Variants in TRIM13 observed in about 807,000 individuals in gnomAD.
TRIM13 encodes tripartite motif containing 13.
A neutral mutation model predicts 27.1 loss-of-function variants in TRIM13; 15 were observed. The observed-to-expected ratio is 0.55, with a 90% confidence interval of 0.37 to 0.85. The LOEUF is 0.85. Ranked by LOEUF, TRIM13 falls within the 40% of genes least tolerant of loss-of-function variation. The pLI is 0.00. For missense variants in TRIM13, 402 were observed against 472.2 expected, an observed-to-expected ratio of 0.85 and a Z score of 1.38; for synonymous variants, 193 against 171.5, an observed-to-expected ratio of 1.13 and a Z score of -0.98.
intron 1 of TRIM13, among the ~76,000 whole-genome samples, chr13:50,009,246 T>C (rs1814045449): frequency 6.6e-6 from 1 of 152,204 alleles, no homozygotes; most frequent in Admixed American, 6.5e-5. Flanking sequence ...GGCTATTTAA[T>C]AGAAGACAGC....
In TRIM13 at chr13:50,013,122, G is replaced by C; in HGVS notation, c.1182G>C (p.Leu394=). The part of the protein sequence containing the change: ...ERFKNFTLVV[L]NNVAEFVCKY... Reference sequence around the variant, plus strand: ...TCAAGAATTTTACTTTGGTGGTACTGAACAATGTGGCAGAATTTGTGTGCA... The same window carrying C: ...TCAAGAATTTTACTTTGGTGGTACTCAACAATGTGGCAGAATTTGTGTGCA... The change falls in exon 2 of 2, where the codon CTG becomes CTC. Residue 394 remains leucine (L), a synonymous_variant. Transcript: ENST00000378182. 6.3e-7 allele frequency: 1 copy of C among 1,593,614 alleles called. No homozygotes were observed. The highest frequency in any genetic ancestry group is 8.5e-7 in the Non-Finnish European group (1 of 1,171,756).
chr13:50,005,712 A>G (rs955489671), intron 1 of TRIM13, among the ~76,000 whole-genome samples: 2 of 151,380 alleles, frequency 1.3e-5, no homozygotes, highest in South Asian at 4.2e-4. Context: ...CTAAAGGAAG[A>G]AAGGAAGAAG....
Position 50,014,334 on chromosome 13 carries a change from A to ATATATAT in TRIM13, c.*1170_*1171insTATATAT, listed in dbSNP as rs1168388864. 1.5e-5 allele frequency: 1 copy of ATATATAT among 66,434 alleles called. No individual in the cohort carries two copies. Among genetic ancestry groups the ATATATAT allele is most frequent in the Admixed American group, 2.0e-4 (1 of 4,990 alleles). 4.1% of individuals were successfully genotyped at this position (66,434 alleles called of 1,614,324 possible). A position where few individuals can be genotyped will look rare whatever the true frequency, so the allele number is the denominator to read the frequency against. On this transcript the variant is annotated 3_prime_UTR_variant, in exon 2 of 2. Transcript: ENST00000378182. ...CTACCAAAAAAAAAAAAAAAAAAAA[A>ATATATAT]AAAAAAAAAAATATATATATATATA...
At position 50,017,730 on chromosome 13, in the gene TRIM13, C is replaced by T. The variant is rs746245177; in HGVS notation, c.*4566C>T. Reference sequence around the variant, plus strand: ...GGATCTCTGGTGATTGGGATGAAAACTCTGGCCTTAAAAGGTCCACTTTTA... The same window carrying T: ...GGATCTCTGGTGATTGGGATGAAAATTCTGGCCTTAAAAGGTCCACTTTTA... On this transcript the variant is annotated 3_prime_UTR_variant, in exon 2 of 2. Coordinates refer to ENST00000378182, the MANE Select transcript of TRIM13 (RefSeq NM_213590.3). 6.0e-5 allele frequency: 10 copies of T among 167,014 alleles called. No individual in the cohort carries two copies. Among genetic ancestry groups the T allele is most frequent in the African/African-American group, 2.4e-4 (10 of 41,442 alleles). 10.3% of individuals were successfully genotyped at this position (167,014 alleles called of 1,614,324 possible).
intron 1 of TRIM13, among the ~76,000 whole-genome samples, chr13:50,010,226 A>AT (rs1473262713): frequency 6.6e-5 from 10 of 150,514 alleles, no homozygotes; most frequent in Admixed American, 2.7e-4. Flanking sequence ...TTTTTTTGGT[A>AT]TTTTTTTTGT....
At position 50,017,862 on chromosome 13, in the gene TRIM13, T is replaced by G. The variant is rs747226139; in HGVS notation, c.*4698T>G. On this transcript the variant is annotated 3_prime_UTR_variant, in exon 2 of 2. Coordinates refer to ENST00000378182, the MANE Select transcript of TRIM13 (RefSeq NM_213590.3). ...TTGGTAGGTTTGGAAAATGGAGAAGTGAGCCTAATTGGTGCCTAATTGTCT... is the reference window on the plus strand; with the variant it reads ...TTGGTAGGTTTGGAAAATGGAGAAGGGAGCCTAATTGGTGCCTAATTGTCT... 1.2e-5 allele frequency: 2 copies of G among 167,100 alleles called. No homozygotes were observed. The highest frequency in any genetic ancestry group is 4.8e-5 in the African/African-American group (2 of 41,464). 10.4% of individuals were successfully genotyped at this position (167,100 alleles called of 1,614,324 possible).
rs1232177557 is a variant in TRIM13 at position 50,014,168 on chromosome 13, G to GT, written c.*1006dup. The GT allele has an allele frequency of 6.1e-6, 1 of 164,610 alleles. No individual in the cohort carries two copies. Among genetic ancestry groups the GT allele is most frequent in the Non-Finnish European group, 1.5e-5 (1 of 67,574 alleles). 10.2% of individuals were successfully genotyped at this position (164,610 alleles called of 1,614,324 possible). A position where few individuals can be genotyped will look rare whatever the true frequency, so the allele number is the denominator to read the frequency against. On this transcript the variant is annotated 3_prime_UTR_variant, in exon 2 of 2. Coordinates refer to ENST00000378182, the MANE Select transcript of TRIM13 (RefSeq NM_213590.3). ...GCTATGCAAGCAAAAGCATAGATAGGTTAAAAAAAAGGATCAGCTGGCTGG... is the reference window on the plus strand; with the variant it reads ...GCTATGCAAGCAAAAGCATAGATAGGTTTAAAAAAAAGGATCAGCTGGCTGG...
chr13:50,009,071 C>T (rs1052237133), intron 1 of TRIM13, among the ~76,000 whole-genome samples: 1 of 145,528 alleles, frequency 6.9e-6, no homozygotes, highest in Non-Finnish European at 1.5e-5. Context: ...TATGTTTGTA[C>T]TGTCGATATT....
chr13:50,006,144 C>G (rs1193833531), intron 1 of TRIM13, among the ~76,000 whole-genome samples: 2 of 148,610 alleles, frequency 1.3e-5, no homozygotes, highest in Admixed American at 6.7e-5. Flanking sequence ...TTTGAAGATA[C>G]TTTCCAAATA....
chr13:50,014,461 T>G lies in TRIM13; in HGVS notation c.*1297T>G, dbSNP rs577607793. On this transcript the variant is annotated 3_prime_UTR_variant, in exon 2 of 2. Transcript: ENST00000378182. ...GGAAATGGGAAGACTACCTTTTTTC[T>G]GGCAGCTATGTGTTGTTTTGTTCGA... 9 of 165,358 alleles carry G rather than the reference T, an allele frequency of 5.4e-5. No individual in the cohort carries two copies. The highest frequency in any genetic ancestry group is 2.0e-4 in the Admixed American group (3 of 14,972). The allele number at this position is 165,358 out of a possible 1,614,324, so 10.2% of individuals were successfully genotyped here.
In TRIM13 at chr13:50,012,063, T is replaced by C. The variant is rs369944950; in HGVS notation, c.123T>C (p.Ser41=). The change falls in exon 2 of 2, where the codon AGT becomes AGC. Residue 41 remains serine (S), a synonymous_variant. Coordinates refer to ENST00000378182, the MANE Select transcript of TRIM13 (RefSeq NM_213590.3). ...GCTTAGAAGGTATCTTAGAAGGGAG[T>C]GTGCGGAATTCCTTGTGGAGACCAG... ...KKCLEGILEG[S]VRNSLWRPAP... 2 of 1,613,796 alleles carry C rather than the reference T, an allele frequency of 1.2e-6. No homozygotes were observed. The highest frequency in any genetic ancestry group is 1.3e-5 in the African/African-American group (1 of 74,912).
At chr13:50,007,216 C>T (rs1383554531) in intron 1 of TRIM13, among the ~76,000 whole-genome samples, 2 of 149,658 alleles carry the variant, frequency 1.3e-5, no homozygotes, top group African/African-American at 4.9e-5. Context: ...TAGGGCCCAG[C>T]GTGGTGGCTC....
chr13:49,998,627 G>A (rs1873573461), intron 1 of TRIM13, among the ~76,000 whole-genome samples: 1 of 151,988 alleles, frequency 6.6e-6, no homozygotes, highest in African/African-American at 2.4e-5. Flanking sequence ...GCTAGAAAGG[G>A]TAAAAGAGTT....
rs1254054102 is a variant in TRIM13 at position 50,011,693 on chromosome 13, T to A, written c.-6-242T>A. On this transcript the variant is annotated intron_variant, in intron 1 of 1. Transcript: ENST00000378182. Reference sequence around the variant, plus strand: ...GAGTCTTGTCTTAGCCAAAGACTGTTGTTGGAAAGCCCACACAAAGGCCTT... The same window carrying A: ...GAGTCTTGTCTTAGCCAAAGACTGTAGTTGGAAAGCCCACACAAAGGCCTT... Among the ~76,000 whole-genome samples, 3 of 152,186 alleles carry A rather than the reference T, an allele frequency of 2.0e-5. No individual in the cohort carries two copies. In the East Asian group the frequency reaches 5.8e-4, roughly 29 times the overall value.
Position 49,997,671 on chromosome 13 carries a change from C to G in TRIM13, c.-99C>G, listed in dbSNP as rs149203835. The G allele has an allele frequency of 6.6e-6, 1 of 152,110 alleles. No individual in the cohort carries two copies. The highest frequency in any genetic ancestry group is 2.1e-4 in the South Asian group (1 of 4,824). The allele number at this position is 152,110 out of a possible 1,614,324, so 9.4% of individuals were successfully genotyped here. On this transcript the variant is annotated 5_prime_UTR_variant, in exon 1 of 2. Coordinates refer to ENST00000378182, the MANE Select transcript of TRIM13 (RefSeq NM_213590.3). ...CTTTTTCTTCTTTCTTTGCAGTAGC[C>G]TCTAGTTCGTTAGTCAAAACGTGAA...
chr13:50,009,611 C>T lies in TRIM13; in HGVS notation c.-6-2324C>T, dbSNP rs559023296. 5.3e-5 allele frequency among the ~76,000 whole-genome samples: 8 copies of T among 152,038 alleles called. No individual in the cohort carries two copies. In the South Asian group the frequency reaches 1.7e-3, roughly 32 times the overall value. On this transcript the variant is annotated intron_variant, in intron 1 of 1. Transcript: ENST00000378182. ...AATTACCTGCGTGTGGTGGTATGTGCCTGTAGGCCCAGCTACTTGGGAGGC... is the reference window on the plus strand; with the variant it reads ...AATTACCTGCGTGTGGTGGTATGTGTCTGTAGGCCCAGCTACTTGGGAGGC...
rs753156435 is a variant in TRIM13 at position 50,015,075 on chromosome 13, T to TA, written c.*1931dup. 33 of 56,072 alleles carry TA rather than the reference T, an allele frequency of 5.9e-4. 1 individual carries two copies. Among genetic ancestry groups the TA allele is most frequent in the African/African-American group, 3.1e-3 (30 of 9,564 alleles). The allele number at this position is 56,072 out of a possible 1,614,324, so 3.5% of individuals were successfully genotyped here. ...GAGAATGCTTTTCCCCTCCCAGTAA[T>TA]AAAAAAAAAAAAAAAAAAAATATAT... On this transcript the variant is annotated 3_prime_UTR_variant, in exon 2 of 2. Coordinates refer to ENST00000378182, the MANE Select transcript of TRIM13 (RefSeq NM_213590.3).
At chr13:50,001,857 G>A (rs746383724) in intron 1 of TRIM13, among the ~76,000 whole-genome samples, 2 of 152,000 alleles carry the variant, frequency 1.3e-5, no homozygotes, top group African/African-American at 2.4e-5. Flanking sequence ...ATAAGTCACC[G>A]GGACAGTCTC....
rs1555325057 is a variant in TRIM13, at chr13:50,014,344, A to AAATATAT, written c.*1181_*1182insATATATA. The AAATATAT allele has an allele frequency of 5.6e-3, 111 of 19,718 alleles. No homozygotes were observed. Among genetic ancestry groups the AAATATAT allele is most frequent in the Non-Finnish European group, 6.1e-3 (74 of 12,092 alleles). The allele number at this position is 19,718 out of a possible 1,614,324, so 1.2% of individuals were successfully genotyped here. ...AAAAAAAAAAAAAAAAAAAAAAAAAAATATATATATATATATACACACACA... is the reference window on the plus strand; with the variant it reads ...AAAAAAAAAAAAAAAAAAAAAAAAAAAATATATATATATATATATATATACACACACA... On this transcript the variant is annotated 3_prime_UTR_variant, in exon 2 of 2. Transcript: ENST00000378182.
Sources: allele counts gnomAD v4.1 joint callset (sites outside exome capture counted in the v4.1 genomes callset), GRCh38; gene constraint gnomAD v4.1.1; transcripts MANE v1.5; gene names NCBI Gene and HGNC (gene_info 2026-07-23, HGNC 2026-07-21).